LIN9: variants seen among roughly 807,000 people sequenced by gnomAD.
LIN9 encodes lin-9 DREAM MuvB core complex component.
A neutral mutation model predicts 78.0 loss-of-function variants in LIN9; 18 were observed. That is an observed-to-expected ratio of 0.23 (90% CI 0.16 to 0.34). The LOEUF is 0.34. Ranked by LOEUF, LIN9 falls within the 10% of genes least tolerant of loss-of-function variation. The pLI is 1.00. For missense variants in LIN9, 451 were observed against 644.1 expected, an observed-to-expected ratio of 0.70 and a Z score of 3.25; for synonymous variants, 192 against 215.2, an observed-to-expected ratio of 0.89 and a Z score of 0.94.
At chr1:226,272,201 C>T (rs1376060997) in intron 7 of LIN9, among the ~76,000 whole-genome samples, 1 of 151,762 alleles carries the variant, frequency 6.6e-6, no homozygotes, top group Non-Finnish European at 1.5e-5. Flanking sequence ...GGATTACAGG[C>T]ACGTGCCACC....
At chr1:226,284,181 TGA>T (rs1318077834) in intron 6 of LIN9, among the ~76,000 whole-genome samples, 1 of 152,168 alleles carries the variant, frequency 6.6e-6, no homozygotes, top group Non-Finnish European at 1.5e-5. Flanking sequence ...ACCATGTACT[TGA>T]GAGTCAACCA....
Position 226,232,029 on chromosome 1 carries a change from T to C in LIN9, c.*472A>G, listed in dbSNP as rs1657370391. 2.5e-6 allele frequency: 1 copy of C among 398,282 alleles called. No homozygotes were observed. The highest frequency in any genetic ancestry group is 3.6e-5 in the East Asian group (1 of 28,052). 24.7% of individuals were successfully genotyped at this position (398,282 alleles called of 1,614,324 possible). Reference sequence around the variant, plus strand: ...GGACTTCCCACACCTCATGATGTTATCTTTTGAAGACTGAGATGGTGATCA... The same window carrying C: ...GGACTTCCCACACCTCATGATGTTACCTTTTGAAGACTGAGATGGTGATCA... On this transcript the variant is annotated 3_prime_UTR_variant, in exon 15 of 15. Coordinates refer to ENST00000681046, the MANE Select transcript of LIN9 (RefSeq NM_001366245.2).
intron 4 of LIN9, among the ~76,000 whole-genome samples, chr1:226,293,896 T>C (rs752990198): frequency 1.2e-4 from 19 of 152,240 alleles, no homozygotes; most frequent in Non-Finnish European, 2.2e-4. Flanking sequence ...AAGTTCAAGA[T>C]ACATTTTTGT....
At chr1:226,303,144 A>G (rs1662671034) in intron 1 of LIN9, among the ~76,000 whole-genome samples, 1 of 152,244 alleles carries the variant, frequency 6.6e-6, no homozygotes, top group Non-Finnish European at 1.5e-5. Flanking sequence ...GCAATAGTAG[A>G]CAATACACAC....
chr1:226,275,861 C>T (rs1201991006), intron 7 of LIN9, among the ~76,000 whole-genome samples: 1 of 151,994 alleles, frequency 6.6e-6, no homozygotes, highest in Admixed American at 6.6e-5. Context: ...CTCATCTCTA[C>T]TAAAAAAATT....
intron 1 of LIN9, among the ~76,000 whole-genome samples, chr1:226,304,870 C>T (rs1202247138): frequency 6.6e-6 from 1 of 152,092 alleles, no homozygotes; most frequent in Non-Finnish European, 1.5e-5. Context: ...ATAGCTGCCA[C>T]TAGGAAGTTA....
In LIN9 at chr1:226,241,313, A is replaced by G. The variant is rs115539715; in HGVS notation, c.1120-2217T>C. ...GGGGTTACTGAGGATATAGTGTAAC[A>G]TAAATTATAACTAAGTATTTGATCA... On this transcript the variant is annotated intron_variant, in intron 11 of 14. Transcript: ENST00000681046. Among the ~76,000 whole-genome samples, 1,387 of 152,348 alleles carry G rather than the reference A, an allele frequency of 9.1e-3. 8 individuals carry two copies. The highest frequency in any genetic ancestry group is 0.016 in the Non-Finnish European group (1,099 of 68,038).
chr1:226,285,086 T>C (rs1278753992), intron 6 of LIN9, among the ~76,000 whole-genome samples: 2 of 152,190 alleles, frequency 1.3e-5, no homozygotes, highest in Admixed American at 1.3e-4. Context: ...ACTATAAGAT[T>C]AAATAATGTT....
intron 14 of LIN9, 98 bp downstream of exon 14, chr1:226,232,998 A>C (rs550436746): frequency 1.5e-6 from 1 of 684,210 alleles, no homozygotes; most frequent in East Asian, 2.6e-5. Context: ...GGATAATAAT[A>C]TATGAGTACT....
chr1:226,258,052 C>T (rs557278815), intron 10 of LIN9, among the ~76,000 whole-genome samples: 7 of 152,090 alleles, frequency 4.6e-5, no homozygotes, highest in Admixed American at 1.3e-4. Flanking sequence ...GGTGTGGTGT[C>T]TTGTGCCTGT....
intron 4 of LIN9, among the ~76,000 whole-genome samples, chr1:226,288,173 T>C (rs1007820159): frequency 6.6e-6 from 1 of 152,302 alleles, no homozygotes; most frequent in East Asian, 1.9e-4. Flanking sequence ...GGTTTCACCA[T>C]GTTGGCCAGG....
Position 226,288,466 on chromosome 1 carries a change from TA to T in LIN9, c.265-670del, listed in dbSNP as rs1319079118. ...GAATTGGCCAATCAGGTAAGAAGAATAAAATTTAGAAAGAAGATAAAACTAC... is the reference window on the plus strand; with the variant it reads ...GAATTGGCCAATCAGGTAAGAAGAATAAATTTAGAAAGAAGATAAAACTAC... On this transcript the variant is annotated intron_variant, in intron 4 of 14. Transcript: ENST00000681046. Among the ~76,000 whole-genome samples, 4 of 152,164 alleles carry T rather than the reference TA, an allele frequency of 2.6e-5. No individual in the cohort carries two copies. In the East Asian group the frequency reaches 7.7e-4, roughly 29 times the overall value.
At chr1:226,257,976 G>C (rs1276940742) in intron 10 of LIN9, among the ~76,000 whole-genome samples, 1 of 152,080 alleles carries the variant, frequency 6.6e-6, no homozygotes, top group African/African-American at 2.4e-5. Context: ...CTTGAGCCAA[G>C]GAGTTCAAGA....
At chr1:226,233,622 A>C (rs374337968) in intron 12 of LIN9, 99 bp from the exon 13 acceptor site, 2 of 882,510 alleles carry the variant, frequency 2.3e-6, no homozygotes, top group African/African-American at 3.5e-5. Flanking sequence ...TTTTTATAAA[A>C]CTAGCATTTA....
chr1:226,302,228 C>A lies in LIN9; in HGVS notation c.32-1023G>T, dbSNP rs535988097. Among the ~76,000 whole-genome samples the A allele has an allele frequency of 2.0e-5, 3 of 152,186 alleles. No homozygotes were observed. The South Asian group carries it at 6.2e-4, about 32-fold the overall frequency. ...TTCTGGTGTGAATGAATTATAGGAT[C>A]TATGGGTAGGGAAAGTAGAAAAATC... On this transcript the variant is annotated intron_variant, in intron 1 of 14. Transcript: ENST00000681046.
intron 14 of LIN9, 99 bp downstream of exon 14, chr1:226,232,997 T>C (rs546020003): frequency 3.3e-4 from 223 of 675,536 alleles, no homozygotes; most frequent in Middle Eastern, 1.6e-3. Context: ...CGGATAATAA[T>C]ATATGAGTAC....
At chr1:226,289,824 A>C (rs889842102) in intron 4 of LIN9, among the ~76,000 whole-genome samples, 8 of 73,700 alleles carry the variant, frequency 1.1e-4, no homozygotes, top group African/African-American at 4.6e-4. Flanking sequence ...AGGACAACTA[A>C]GTAGTCCTCC....
intron 7 of LIN9, among the ~76,000 whole-genome samples, chr1:226,271,750 A>G (rs1158181860): frequency 2.0e-5 from 3 of 152,126 alleles, no homozygotes; most frequent in Non-Finnish European, 4.4e-5. Context: ...GTTGCTTTCA[A>G]GTATTTTGAA....
intron 6 of LIN9, among the ~76,000 whole-genome samples, chr1:226,281,062 T>C (rs1004472934): frequency 1.3e-4 from 20 of 152,236 alleles, no homozygotes; most frequent in African/African-American, 4.8e-4. Context: ...ATGGTATATA[T>C]GCACAATGGA....
Sources: gnomAD v4.1 joint callset for allele counts (sites outside exome capture counted in the v4.1 genomes callset) on GRCh38, gnomAD v4.1.1 for gene constraint, MANE v1.5 for transcripts, NCBI Gene and HGNC (gene_info 2026-07-23, HGNC 2026-07-21) for gene names.